APAF1: variants seen among roughly 807,000 people sequenced by gnomAD.
APAF1 encodes the protein apoptotic peptidase activating factor 1, also known as apoptotic protease-activating factor 1.
Under a neutral mutation model 152.4 loss-of-function variants are expected in APAF1, and 91 were observed. The observed-to-expected ratio is 0.60, with a 90% confidence interval of 0.50 to 0.71. The LOEUF (loss-of-function observed/expected upper bound fraction) is 0.71. APAF1 is among the 30% of genes least tolerant of loss of function. The pLI is 0.00. For synonymous variants in APAF1, 484 were observed against 494.1 expected (o/e 0.98, Z 0.27); for missense variants, 1,283 against 1,472.0 (o/e 0.87, Z 2.10).
intron 18 of APAF1, among the ~76,000 whole-genome samples, chr12:98,705,497 T>C (rs1424427310): frequency 6.6e-6 from 1 of 152,210 alleles, no homozygotes; most frequent in African/African-American, 2.4e-5. Context: ...CAGAACTCAC[T>C]GAATGAAAAC....
rs953344346 is a variant in APAF1 at position 98,648,004 on chromosome 12, A to C, written c.-41-315A>C. Among the ~76,000 whole-genome samples, 9 of 152,142 alleles carry C rather than the reference A, an allele frequency of 5.9e-5. No homozygotes were observed. The East Asian group carries it at 1.5e-3, about 26-fold the overall frequency. On this transcript the variant is annotated intron_variant, in intron 1 of 26. Transcript: ENST00000551964. ...TAATTCTCCTTGTGGATATTTTTAC[A>C]TATGTATTTGAATGTCTCCTTGAAG...
chr12:98,658,087 G>A (rs981755109), intron 4 of APAF1, among the ~76,000 whole-genome samples: 1 of 151,726 alleles, frequency 6.6e-6, no homozygotes, highest in Admixed American at 6.6e-5. Flanking sequence ...GCTTTTTTTG[G>A]TATGTTTAAG....
At position 98,732,486 on chromosome 12, in the gene APAF1, A is replaced by T. The variant is rs756138161; in HGVS notation, c.3667A>T (p.Ile1223Leu). The change falls in exon 27 of 27, where the codon ATA (isoleucine) becomes TTA (leucine). Residue 1223 changes from isoleucine to leucine, a missense_variant. Ile to Leu is a conservative substitution (Grantham distance 5, BLOSUM62 2). Transcript: ENST00000551964. Reference protein sequence around the residue: ...FYTNGTNLKKIHVSPDFKTYV... With the variant: ...FYTNGTNLKKLHVSPDFKTYV... ...CACAAATGGAACCAATCTTAAGAAAATACACGTGTCCCCTGACTTCAAAAC... is the reference window on the plus strand; with the variant it reads ...CACAAATGGAACCAATCTTAAGAAATTACACGTGTCCCCTGACTTCAAAAC... The T allele has an allele frequency of 6.2e-7, 1 of 1,604,638 alleles. No homozygotes were observed. The highest frequency in any genetic ancestry group is 8.5e-7 in the Non-Finnish European group (1 of 1,171,348).
chr12:98,725,411 C>T lies in APAF1; in HGVS notation c.3331-4C>T, dbSNP rs780671548. 4 of 1,614,056 alleles carry T rather than the reference C, an allele frequency of 2.5e-6. No homozygotes were observed. In the South Asian group the frequency reaches 3.3e-5, roughly 13 times the overall value. ...ATTGCTAAACAATCCTAATTGCCTTCCAGATCTGGAGTTTTGATCTCCTTT... is the reference window on the plus strand; with the variant it reads ...ATTGCTAAACAATCCTAATTGCCTTTCAGATCTGGAGTTTTGATCTCCTTT... On this transcript the variant is annotated splice_region_variant and splice_polypyrimidine_tract_variant and intron_variant, in intron 24 of 26. Coordinates refer to ENST00000551964, the MANE Select transcript of APAF1 (RefSeq NM_181861.2).
intron 25 of APAF1, among the ~76,000 whole-genome samples, 197 bp downstream of exon 25, chr12:98,725,737 A>T (rs190482836): frequency 1.6e-4 from 24 of 152,270 alleles, no homozygotes; most frequent in Middle Eastern, 6.8e-3. Flanking sequence ...TTAGAGTTAG[A>T]GTGAAGCATT....
At chr12:98,687,771 A>G (rs1009141629) in intron 16 of APAF1, among the ~76,000 whole-genome samples, 1 of 152,128 alleles carries the variant, frequency 6.6e-6, no homozygotes, top group African/African-American at 2.4e-5. Flanking sequence ...CGTTTAAACC[A>G]CAGCAAGATC....
intron 4 of APAF1, among the ~76,000 whole-genome samples, chr12:98,657,174 C>T (rs906974296): frequency 2.0e-5 from 3 of 152,166 alleles, no homozygotes; most frequent in African/African-American, 7.2e-5. Context: ...ACTCTTTACC[C>T]ACCTCCACCC....
chr12:98,732,298 T>C (rs2097763454), intron 26 of APAF1, 122 bp from the exon 27 acceptor site: 1 of 835,734 alleles, frequency 1.2e-6, no homozygotes, highest in Admixed American at 1.9e-5. Context: ...TCCGAGACAT[T>C]TTCCTCCTGT....
In APAF1 at chr12:98,667,521, T is replaced by TA; in HGVS notation, c.1373dup (p.Lys459GlufsTer53). ...GTTTCATTGGGTTGCAGGATCTACA[T>TA]AAGAAGATAATCACTCAGTTTCAGA... is the stretch of plus-strand genomic sequence containing the variant. On this transcript the variant is annotated frameshift_variant, in exon 10 of 27. Coordinates refer to ENST00000551964, the MANE Select transcript of APAF1 (RefSeq NM_181861.2). LOFTEE classifies it high-confidence loss of function. 1 of 1,613,774 alleles carries TA rather than the reference T, an allele frequency of 6.2e-7. No homozygotes were observed. The highest frequency in any genetic ancestry group is 1.7e-5 in the Admixed American group (1 of 60,000).
At chr12:98,674,755 T>C (rs1357672496) in intron 12 of APAF1, among the ~76,000 whole-genome samples, 1 of 152,174 alleles carries the variant, frequency 6.6e-6, no homozygotes, top group East Asian at 1.9e-4. Context: ...TATAGCATTG[T>C]TGTGAGGATT....
At chr12:98,678,609 T>C (rs1040281974) in intron 13 of APAF1, among the ~76,000 whole-genome samples, 1 of 152,222 alleles carries the variant, frequency 6.6e-6, no homozygotes, top group African/African-American at 2.4e-5. Flanking sequence ...GGTGCAGCTG[T>C]AGCTGCCCAA....
Position 98,671,674 on chromosome 12 carries a change from A to T in APAF1, c.1748A>T (p.Gln583Leu). 2 of 1,614,140 alleles carry T rather than the reference A, an allele frequency of 1.2e-6. No individual in the cohort carries two copies. The highest frequency in any genetic ancestry group is 1.7e-6 in the Non-Finnish European group (2 of 1,180,028). The change falls in exon 12 of 27, where the codon CAG (glutamine) becomes CTG (leucine). Residue 583 changes from glutamine to leucine, a missense_variant. Coordinates refer to ENST00000551964, the MANE Select transcript of APAF1 (RefSeq NM_181861.2). The part of the protein sequence containing the change: ...TSEVYQQAKL[Q>L]AKQEVDNGML... The stretch of plus-strand genomic sequence containing the variant: ...GAAGTTTATCAGCAAGCTAAGCTGC[A>T]GGCCAAGCAGGAGGTCGATAATGGA...
chr12:98,682,355 A>T (rs1218862540), intron 14 of APAF1, among the ~76,000 whole-genome samples: 2 of 152,170 alleles, frequency 1.3e-5, no homozygotes, highest in South Asian at 2.1e-4. Flanking sequence ...GCCCGGCCTG[A>T]TGATTACTTT....
chr12:98,706,767 A>G (rs2097721846), intron 19 of APAF1, among the ~76,000 whole-genome samples, 157 bp downstream of exon 19: 1 of 152,212 alleles, frequency 6.6e-6, no homozygotes, highest in African/African-American at 2.4e-5. Context: ...ATGGACTGTA[A>G]CAGTCTCATT....
chr12:98,677,464 C>T lies in APAF1; in HGVS notation c.1833C>T (p.Val611=), dbSNP rs773318734. The part of the protein sequence containing the change: ...KNITNLSRLV[V]RPHTDAVYHA... ...TCACGAATCTTTCCCGCTTAGTTGTCCGCCCCCACACAGATGCTGTTTACC... is the reference window on the plus strand; with the variant it reads ...TCACGAATCTTTCCCGCTTAGTTGTTCGCCCCCACACAGATGCTGTTTACC... The change falls in exon 13 of 27, where the codon GTC becomes GTT. Residue 611 remains valine (V), a synonymous_variant. Coordinates refer to ENST00000551964, the MANE Select transcript of APAF1 (RefSeq NM_181861.2). 3 of 1,614,096 alleles carry T rather than the reference C, an allele frequency of 1.9e-6. No homozygotes were observed. The highest frequency in any genetic ancestry group is 2.2e-5 in the South Asian group (2 of 91,078).
rs1159558701 is a variant in APAF1, at chr12:98,733,988, C to T, written c.*1422C>T. ...AGTTTCTCCACTGCTAAATGTTAGT[C>T]ATTGAGGTGGGGCCAATTTTAATCA... On this transcript the variant is annotated 3_prime_UTR_variant, in exon 27 of 27. Transcript: ENST00000551964. 1 of 152,172 alleles carries T rather than the reference C, an allele frequency of 6.6e-6. No homozygotes were observed. Among genetic ancestry groups the T allele is most frequent in the Non-Finnish European group, 1.5e-5 (1 of 68,028 alleles). 9.4% of individuals were successfully genotyped at this position (152,172 alleles called of 1,614,324 possible). A position where few individuals can be genotyped will look rare whatever the true frequency, so the allele number is the denominator to read the frequency against.
In APAF1 at chr12:98,715,235, C is replaced by CATATATAT. The variant is rs61430351; in HGVS notation, c.2959-153_2959-146dup. Among the ~76,000 whole-genome samples the CATATATAT allele has an allele frequency of 8.0e-3, 437 of 54,710 alleles. 15 individuals are homozygous for CATATATAT. The highest frequency in any genetic ancestry group is 0.01 in the Non-Finnish European group (288 of 28,400). The allele number at this position is 54,710 out of a possible 152,430, so 35.9% of individuals were successfully genotyped here. On this transcript the variant is annotated intron_variant, in intron 21 of 26. Transcript: ENST00000551964. ...TTTGCATGTAGGCATACATGGTGTG[C>CATATATAT]ATATATATATATATATATATATATA...
In APAF1 at chr12:98,665,621, C is replaced by T; in HGVS notation, c.1024C>T (p.Leu342Phe). The T allele has an allele frequency of 1.2e-6, 2 of 1,613,678 alleles. No homozygotes were observed. The highest frequency in any genetic ancestry group is 1.1e-5 in the South Asian group (1 of 91,062). The change falls in exon 8 of 27, where the codon CTC (leucine) becomes TTC (phenylalanine). Residue 342 changes from leucine (L) to phenylalanine (F), a missense_variant. By Grantham distance (22) the Leu-to-Phe change is conservative (BLOSUM62 0). Transcript: ENST00000551964. ...RDFPNRWEYY[L>F]KQLQNKQFKR... Reference sequence around the variant, plus strand: ...TTTTCCCAATCGCTGGGAGTACTACCTCAAACAGCTTCAGAATAAGCAGTT... The same window carrying T: ...TTTTCCCAATCGCTGGGAGTACTACTTCAAACAGCTTCAGAATAAGCAGTT...
chr12:98,672,762 TA>T (rs2097681865), intron 12 of APAF1, among the ~76,000 whole-genome samples: 3 of 152,212 alleles, frequency 2.0e-5, no homozygotes, highest in South Asian at 4.1e-4. Flanking sequence ...TATTTTATTT[TA>T]TTTTTTTTGA....
Sources: gnomAD v4.1 joint callset for allele counts (sites outside exome capture counted in the v4.1 genomes callset) on GRCh38, gnomAD v4.1.1 for gene constraint, MANE v1.5 for transcripts, NCBI Gene and HGNC (gene_info 2026-07-23, HGNC 2026-07-21) for gene names.